Variants in ZFYVE9 observed in about 807,000 individuals in gnomAD.
ZFYVE9 encodes the protein zinc finger FYVE domain-containing protein 9.
Under a neutral mutation model 126.7 loss-of-function variants are expected in ZFYVE9, and 43 were observed. The ratio of observed to expected loss-of-function variants is 0.34; its 90% CI spans 0.27 to 0.44. ZFYVE9 has a LOEUF of 0.44. Ranked by LOEUF, ZFYVE9 falls within the 20% of genes least tolerant of loss-of-function variation. The pLI is 1.00. For synonymous variants in ZFYVE9, 521 were observed against 597.4 expected (o/e 0.87, Z 1.87); for missense variants, 1,476 against 1,697.0 (o/e 0.87, Z 2.29).
chr1:52,295,988 A>T lies in ZFYVE9; in HGVS notation c.3333+11A>T. On this transcript the variant is annotated intron_variant, in intron 12 of 18. Coordinates refer to ENST00000287727, the MANE Select transcript of ZFYVE9 (RefSeq NM_004799.4). ...ATGAATCTTCTTGCAGTAAGTTGGG[A>T]ATTTTTTTTCCTTTGTCCTTACTGG... is the stretch of plus-strand genomic sequence containing the variant. The T allele has an allele frequency of 6.2e-7, 1 of 1,611,528 alleles. No individual in the cohort carries two copies. The highest frequency in any genetic ancestry group is 8.5e-7 in the Non-Finnish European group (1 of 1,178,796).
intron 7 of ZFYVE9, among the ~76,000 whole-genome samples, chr1:52,269,959 A>G (rs896826898): frequency 1.3e-5 from 2 of 152,110 alleles, no homozygotes; most frequent in South Asian, 4.1e-4. Flanking sequence ...GTTTATTTGG[A>G]AAAAAATTCA....
Position 52,293,579 on chromosome 1 carries a change from C to T in ZFYVE9, c.3152C>T (p.Pro1051Leu), listed in dbSNP as rs1179053638. The change falls in exon 11 of 19, where the codon CCA becomes CTA. Residue 1051 changes from proline (P) to leucine (L), a missense_variant. Pro to Leu is a moderately conservative substitution (Grantham distance 98). Around this residue, in one of 2 missense-constraint regions of ZFYVE9, gnomAD observed 669 missense variants for 902.4 expected, o/e 0.74. Transcript: ENST00000287727. ...CTGCAAGACCTAGTACTCCCAACCC[C>T]ACCTTACTTGTTTGGGATTCTTATC... Reference protein sequence around the residue: ...QSLQDLVLPTPPYLFGILIQK... With the variant: ...QSLQDLVLPTLPYLFGILIQK... The T allele has an allele frequency of 6.2e-7, 1 of 1,614,056 alleles. No homozygotes were observed. The highest frequency in any genetic ancestry group is 1.3e-5 in the African/African-American group (1 of 75,006).
chr1:52,288,925 CAAAAAAAAAA>C (rs775138803), intron 10 of ZFYVE9, among the ~76,000 whole-genome samples: 9 of 62,058 alleles, frequency 1.5e-4, no homozygotes, highest in Non-Finnish European at 2.4e-4. Context: ...GACTCTGTCT[CAAAAAAAAAA>C]AAAAAAAAAA....
chr1:52,342,509 A>C (rs1174121570), intron 17 of ZFYVE9, among the ~76,000 whole-genome samples: 1 of 147,758 alleles, frequency 6.8e-6, no homozygotes, highest in African/African-American at 2.5e-5. Context: ...TGACCTCGCA[A>C]TCCGCCCGTC....
intron 2 of ZFYVE9, among the ~76,000 whole-genome samples, chr1:52,219,086 C>T (rs1645099007): frequency 6.6e-6 from 1 of 151,902 alleles, no homozygotes; most frequent in South Asian, 2.1e-4. Context: ...TAATATCTCC[C>T]CAACTATAAC....
In ZFYVE9 at chr1:52,278,480, C is replaced by T; in HGVS notation, c.2747-12C>T. 6.2e-7 allele frequency: 1 copy of T among 1,613,964 alleles called. No individual in the cohort carries two copies. The highest frequency in any genetic ancestry group is 1.1e-5 in the South Asian group (1 of 91,076). ...TTTAACCAATCTATTACATTGTTTTCTCCCCTTTCAGACTATGCTGTGGAA... is the reference window on the plus strand; with the variant it reads ...TTTAACCAATCTATTACATTGTTTTTTCCCCTTTCAGACTATGCTGTGGAA... On this transcript the variant is annotated splice_polypyrimidine_tract_variant and intron_variant, in intron 8 of 18. Transcript: ENST00000287727.
intron 1 of ZFYVE9, among the ~76,000 whole-genome samples, chr1:52,165,644 T>C (rs952566185): frequency 1.3e-5 from 2 of 152,200 alleles, no homozygotes; most frequent in African/African-American, 2.4e-5. Flanking sequence ...TCAGAGCACT[T>C]TTCTGTGAGC....
chr1:52,240,285 A>G (rs1645320483), intron 4 of ZFYVE9, among the ~76,000 whole-genome samples: 1 of 152,152 alleles, frequency 6.6e-6, no homozygotes, highest in African/African-American at 2.4e-5. Context: ...GAGATTTTAT[A>G]TTTTTGAGAT....
intron 1 of ZFYVE9, among the ~76,000 whole-genome samples, chr1:52,196,725 AT>A (rs1197088024): frequency 6.6e-6 from 1 of 152,146 alleles, no homozygotes; most frequent in African/African-American, 2.4e-5. Context: ...AATAGGAGAA[AT>A]TTTTTAGTGG....
At chr1:52,206,942 T>C (rs1008507176) in intron 1 of ZFYVE9, among the ~76,000 whole-genome samples, 1 of 152,216 alleles carries the variant, frequency 6.6e-6, no homozygotes, top group Admixed American at 6.5e-5. Context: ...TAAGTCTCAT[T>C]ATGTGTGTAC....
At chr1:52,180,552 T>C in intron 1 of ZFYVE9, 1 of 667,100 alleles carries the variant, frequency 1.5e-6, no homozygotes, top group Non-Finnish European at 2.7e-6. Flanking sequence ...TGAGGGTGAC[T>C]GAGGCTGCAG....
Position 52,185,242 on chromosome 1 carries a change from T to A in ZFYVE9, c.-142-31127T>A, listed in dbSNP as rs191056510. Among the ~76,000 whole-genome samples the A allele has an allele frequency of 2.1e-3, 314 of 152,342 alleles. 6 individuals carry two copies. Among genetic ancestry groups the A allele is most frequent in the Admixed American group, 0.017 (257 of 15,298 alleles). On this transcript the variant is annotated intron_variant, in intron 1 of 18. Transcript: ENST00000287727. The stretch of plus-strand genomic sequence containing the variant: ...ATACCTTACAGAGTGCTTTCTTTTT[T>A]AATTTTCATTAACAAAGGGTTGGAA...
chr1:52,277,331 T>G (rs1006445173), intron 8 of ZFYVE9, among the ~76,000 whole-genome samples: 36 of 152,192 alleles, frequency 2.4e-4, no homozygotes, highest in Non-Finnish European at 8.8e-5. Flanking sequence ...CCTACTCTGT[T>G]GTTAAAAAGA....
intron 13 of ZFYVE9, among the ~76,000 whole-genome samples, chr1:52,324,159 G>A (rs12086049): frequency 0.03 from 4,563 of 152,110 alleles, 167 homozygotes; most frequent in African/African-American, 0.087. Flanking sequence ...TGAGGTGGGA[G>A]GCTCACTTGA....
chr1:52,172,058 G>T (rs952494591), intron 1 of ZFYVE9, among the ~76,000 whole-genome samples: 2 of 151,994 alleles, frequency 1.3e-5, no homozygotes, highest in African/African-American at 4.8e-5. Flanking sequence ...TGGTGTTTTA[G>T]ACATGAAGTC....
At chr1:52,287,216 A>G (rs1020702717) in intron 10 of ZFYVE9, among the ~76,000 whole-genome samples, 3 of 152,006 alleles carry the variant, frequency 2.0e-5, no homozygotes, top group Non-Finnish European at 2.9e-5. Context: ...CAGCCTCCCA[A>G]TTAGCTCCCA....
intron 1 of ZFYVE9, among the ~76,000 whole-genome samples, chr1:52,151,162 T>A (rs758843942): frequency 8.5e-5 from 13 of 152,168 alleles, no homozygotes; most frequent in Middle Eastern, 3.2e-3. Flanking sequence ...CTCCTGTTTT[T>A]GCATCCTGTT....
intron 12 of ZFYVE9, among the ~76,000 whole-genome samples, chr1:52,300,009 A>G (rs1332073953): frequency 3.9e-5 from 6 of 152,202 alleles, no homozygotes; most frequent in East Asian, 3.9e-4. Flanking sequence ...CCCTTTCCCC[A>G]TTAGAAGTAG....
chr1:52,268,385 G>T, intron 6 of ZFYVE9, 78 bp from the exon 7 acceptor site: 2 of 1,446,280 alleles, frequency 1.4e-6, no homozygotes, highest in Non-Finnish European at 1.9e-6. Context: ...ATCTGGAATT[G>T]GTGACCTTCT....
Sources: gnomAD v4.1 joint callset for allele counts (sites outside exome capture counted in the v4.1 genomes callset) on GRCh38, gnomAD v4.1.1 for gene constraint, gnomAD v4.1.1 regional missense constraint, MANE v1.5 for transcripts, NCBI Gene and HGNC (gene_info 2026-07-23, HGNC 2026-07-21) for gene names.